UBE2R2: variants seen among roughly 807,000 people sequenced by gnomAD.
The protein encoded by UBE2R2 is ubiquitin-conjugating enzyme E2 R2.
In UBE2R2, 1 loss-of-function variant was observed where a neutral mutation model predicts 27.8. The observed-to-expected ratio is 0.04, with a 90% CI of 0.01 to 0.17. The LOEUF (loss-of-function observed/expected upper bound fraction) is 0.17. Ranked by LOEUF, UBE2R2 falls within the 10% of genes least tolerant of loss-of-function variation. The pLI is 1.00. For synonymous variants in UBE2R2, 106 were observed against 113.3 expected (o/e 0.94, Z 0.41); for missense variants, 100 against 291.0 (o/e 0.34, Z 4.78).
intron 2 of UBE2R2, among the ~76,000 whole-genome samples, chr9:33,893,865 C>G (rs1402100782): frequency 6.6e-6 from 1 of 152,128 alleles, no homozygotes; most frequent in African/African-American, 2.4e-5. Flanking sequence ...CTCCTGGCAT[C>G]AAGTGATTCA....
intron 1 of UBE2R2, among the ~76,000 whole-genome samples, chr9:33,833,098 T>C (rs1249722294): frequency 1.3e-5 from 2 of 152,180 alleles, no homozygotes; most frequent in Non-Finnish European, 2.9e-5. Flanking sequence ...AGGATTTTGC[T>C]GTATTGCCCA....
At chr9:33,887,171 A>G (rs572978746) in intron 2 of UBE2R2, among the ~76,000 whole-genome samples, 1 of 152,324 alleles carries the variant, frequency 6.6e-6, no homozygotes, top group Admixed American at 6.5e-5. Flanking sequence ...ATTCTACAGG[A>G]TAAAGGATAA....
At chr9:33,823,012 C>A (rs548121288) in intron 1 of UBE2R2, among the ~76,000 whole-genome samples, 10 of 148,112 alleles carry the variant, frequency 6.8e-5, no homozygotes, top group Non-Finnish European at 1.0e-4. Flanking sequence ...TCAAGCAGTT[C>A]TCGTGCCTCA....
At chr9:33,855,431 C>T (rs1418286608) in intron 1 of UBE2R2, among the ~76,000 whole-genome samples, 1 of 152,114 alleles carries the variant, frequency 6.6e-6, no homozygotes, top group Non-Finnish European at 1.5e-5. Flanking sequence ...GTTGTATGTA[C>T]TCTTTGAGTG....
chr9:33,892,802 A>G (rs974770608), intron 2 of UBE2R2, among the ~76,000 whole-genome samples: 15 of 152,200 alleles, frequency 9.9e-5, no homozygotes, highest in African/African-American at 3.1e-4. Context: ...AAGTTATTAA[A>G]AAGAATCCTG....
intron 1 of UBE2R2, among the ~76,000 whole-genome samples, chr9:33,836,888 AG>A (rs1472974444): frequency 1.3e-5 from 2 of 152,138 alleles, no homozygotes; most frequent in Non-Finnish European, 1.5e-5. Flanking sequence ...GAAATCCTGT[AG>A]CTTTAGAATT....
At chr9:33,859,218 AT>A (rs991184953) in intron 1 of UBE2R2, among the ~76,000 whole-genome samples, 1 of 152,148 alleles carries the variant, frequency 6.6e-6, no homozygotes, top group African/African-American at 2.4e-5. Context: ...CCTTTATAAA[AT>A]TTTTGTTTTC....
intron 1 of UBE2R2, among the ~76,000 whole-genome samples, chr9:33,839,235 T>C (rs1047436213): frequency 1.6e-4 from 25 of 152,076 alleles, no homozygotes; most frequent in Admixed American, 1.3e-4. Context: ...AATTAGTGTT[T>C]GTGTTTTTGT....
intron 1 of UBE2R2, among the ~76,000 whole-genome samples, chr9:33,880,325 T>C (rs1048665641): frequency 2.0e-5 from 3 of 152,208 alleles, no homozygotes; most frequent in African/African-American, 7.2e-5. Context: ...CATTGTCATT[T>C]TTTTCATGTT....
chr9:33,829,423 C>T (rs1247705971), intron 1 of UBE2R2, among the ~76,000 whole-genome samples: 1 of 152,066 alleles, frequency 6.6e-6, no homozygotes, highest in Non-Finnish European at 1.5e-5. Flanking sequence ...TGAGAGATTA[C>T]CTAATGGGTA....
At chr9:33,856,322 CTA>C (rs1174333584) in intron 1 of UBE2R2, among the ~76,000 whole-genome samples, 3 of 152,110 alleles carry the variant, frequency 2.0e-5, no homozygotes, top group Non-Finnish European at 2.9e-5. Context: ...AATTAAAAAA[CTA>C]TTAATACTAG....
At chr9:33,828,546 C>T (rs560943731) in intron 1 of UBE2R2, among the ~76,000 whole-genome samples, 87 of 150,836 alleles carry the variant, frequency 5.8e-4, no homozygotes, top group Non-Finnish European at 1.2e-3. Flanking sequence ...GTGCCACCAC[C>T]GGGCTAATTT....
At chr9:33,882,273 A>C (rs1821746639) in intron 1 of UBE2R2, among the ~76,000 whole-genome samples, 1 of 152,040 alleles carries the variant, frequency 6.6e-6, no homozygotes, top group South Asian at 2.1e-4. Flanking sequence ...TTTATTGAAT[A>C]ATGATATTTT....
At chr9:33,821,901 C>T (rs1433149414) in intron 1 of UBE2R2, among the ~76,000 whole-genome samples, 1 of 152,034 alleles carries the variant, frequency 6.6e-6, no homozygotes, top group Non-Finnish European at 1.5e-5. Context: ...TAATTAGAGG[C>T]CTGAGCCACC....
intron 1 of UBE2R2, among the ~76,000 whole-genome samples, chr9:33,853,637 C>G (rs1821022922): frequency 6.6e-6 from 1 of 151,938 alleles, no homozygotes; most frequent in Admixed American, 6.6e-5. Context: ...CAAATTTCTG[C>G]TGATTTATTT....
chr9:33,876,241 A>G (rs2251015), intron 1 of UBE2R2, among the ~76,000 whole-genome samples: 2,433 of 152,228 alleles, frequency 0.016, 60 homozygotes, highest in African/African-American at 0.056. Flanking sequence ...ATGCGCCTGT[A>G]GCTACTCGAG....
intron 2 of UBE2R2, among the ~76,000 whole-genome samples, chr9:33,887,264 T>G (rs1010736890): frequency 9.9e-5 from 15 of 152,160 alleles, no homozygotes; most frequent in Non-Finnish European, 1.8e-4. Context: ...ATTTAAAAAT[T>G]TAGTAGATAA....
At chr9:33,876,182 T>G (rs199661631) in intron 1 of UBE2R2, among the ~76,000 whole-genome samples, 2,799 of 152,074 alleles carry the variant, frequency 0.018, 72 homozygotes, top group East Asian at 0.13. Context: ...ACCAACATGG[T>G]GAAACCCTGT....
chr9:33,854,557 C>T (rs549800316), intron 1 of UBE2R2, among the ~76,000 whole-genome samples: 81 of 151,642 alleles, frequency 5.3e-4, no homozygotes, highest in African/African-American at 1.8e-3. Context: ...CCTGACTTTA[C>T]GTGATCCGCC....
Sources: gnomAD v4.1 joint callset for allele counts (sites outside exome capture counted in the v4.1 genomes callset) on GRCh38, gnomAD v4.1.1 for gene constraint, MANE v1.5 for transcripts, NCBI Gene and HGNC (gene_info 2026-07-23, HGNC 2026-07-21) for gene names.